BCAS3: variants seen among roughly 807,000 people sequenced by gnomAD.
BCAS3 encodes the protein BCAS4/BCAS3 fusion.
In BCAS3, 53 loss-of-function variants were observed where a neutral mutation model predicts 116.1. That is an observed-to-expected ratio of 0.46 (90% CI 0.37 to 0.57). The LOEUF is 0.57. Among genes scored for constraint, BCAS3 ranks in the 20% least tolerant of loss-of-function variants. The pLI, the probability that BCAS3 is intolerant of heterozygous loss-of-function variation, is 0.00. For synonymous variants in BCAS3, 391 were observed against 408.2 expected, an observed-to-expected ratio of 0.96 and a Z score of 0.51; for missense variants, 917 against 1,165.4, an observed-to-expected ratio of 0.79 and a Z score of 3.10.
At chr17:61,146,106 G>GTTT (rs1293114440) in intron 22 of BCAS3, among the ~76,000 whole-genome samples, 2 of 29,934 alleles carry the variant, frequency 6.7e-5, no homozygotes, top group African/African-American at 1.2e-4. Flanking sequence ...TTACTTACTG[G>GTTT]TTTTTTGTTT....
In BCAS3 at chr17:61,392,214, C is replaced by T. The variant is rs1231497967; in HGVS notation, c.*89C>T. On this transcript the variant is annotated 3_prime_UTR_variant, in exon 24 of 24. Transcript: ENST00000407086. This position sits in a 1 kb window ranked among gnomAD's most constrained non-coding sequence, Gnocchi z 6.4. ...CTCTGGTCCTACCCTTCAGTCTCTG[C>T]TCTTCCTTCATCAACCACCTTCCCC... is the stretch of plus-strand genomic sequence containing the variant. The T allele has an allele frequency of 6.9e-7, 1 of 1,446,956 alleles. No homozygotes were observed. The highest frequency in any genetic ancestry group is 2.2e-5 in the Admixed American group (1 of 46,124). 89.6% of individuals were successfully genotyped at this position (1,446,956 alleles called of 1,614,324 possible). A position where few individuals can be genotyped will look rare whatever the true frequency, so the allele number is the denominator to read the frequency against.
chr17:61,315,373 C>T lies in BCAS3; in HGVS notation c.2426-52954C>T, dbSNP rs1406951811. Among the ~76,000 whole-genome samples the T allele has an allele frequency of 6.6e-6, 1 of 152,174 alleles. No homozygotes were observed. The highest frequency in any genetic ancestry group is 1.9e-4 in the East Asian group (1 of 5,186). ...ACCTCAGGTGATCCGGCCGCCTCAG[C>T]CTCCCAAAGTGCTGGGATTACAGGT... is the stretch of plus-strand genomic sequence containing the variant. On this transcript the variant is annotated intron_variant, in intron 22 of 23. Coordinates refer to ENST00000407086, the MANE Select transcript of BCAS3 (RefSeq NM_017679.5). This position sits in a 1 kb window ranked among gnomAD's most constrained non-coding sequence, Gnocchi z 5.3.
At position 61,013,236 on chromosome 17, in the gene BCAS3, C is replaced by T. The variant is rs900562375; in HGVS notation, c.1487-2515C>T. 2.0e-5 allele frequency among the ~76,000 whole-genome samples: 3 copies of T among 152,052 alleles called. No homozygotes were observed. The highest frequency in any genetic ancestry group is 7.2e-5 in the African/African-American group (3 of 41,420). On this transcript the variant is annotated intron_variant, in intron 15 of 23. Coordinates refer to ENST00000407086, the MANE Select transcript of BCAS3 (RefSeq NM_017679.5). This position sits in a 1 kb window ranked among gnomAD's most constrained non-coding sequence, Gnocchi z 4.4. ...CTGTTTGTGCCTGTTAGACTGTAAG[C>T]TTCATGATAACAAGGAAAACAGTCC...
Position 60,854,502 on chromosome 17 carries a change from G to GA in BCAS3, c.477-14067dup, listed in dbSNP as rs535630462. Among the ~76,000 whole-genome samples, 547 of 152,058 alleles carry GA rather than the reference G, an allele frequency of 3.6e-3. 1 individual carries two copies. The highest frequency in any genetic ancestry group is 5.5e-3 in the Non-Finnish European group (375 of 67,970). On this transcript the variant is annotated intron_variant, in intron 7 of 23. Transcript: ENST00000407086. ...GTCTTCCACAGTGGTTGAACTACAA[G>GA]AAAAAAACAACCCCATCAAAAAGTG...
chr17:61,152,721 A>G (rs2077608693), intron 22 of BCAS3, among the ~76,000 whole-genome samples: 1 of 152,046 alleles, frequency 6.6e-6, no homozygotes, highest in Admixed American at 6.6e-5. Flanking sequence ...AACTTCTAAA[A>G]AAAAAAATAC....
At chr17:60,773,111 T>C (rs2044895010) in intron 6 of BCAS3, among the ~76,000 whole-genome samples, 1 of 152,312 alleles carries the variant, frequency 6.6e-6, no homozygotes, top group Non-Finnish European at 1.5e-5. Flanking sequence ...GCTTGCATCT[T>C]TGCCACCATT....
At chr17:60,954,883 A>G (rs1346348376) in intron 14 of BCAS3, among the ~76,000 whole-genome samples, 2 of 152,172 alleles carry the variant, frequency 1.3e-5, no homozygotes, top group Admixed American at 1.3e-4. Flanking sequence ...TGATTTTTCT[A>G]TTAAGATTTC....
chr17:60,902,254 G>A (rs967825636), intron 10 of BCAS3, among the ~76,000 whole-genome samples: 3 of 152,134 alleles, frequency 2.0e-5, no homozygotes, highest in African/African-American at 4.8e-5. Context: ...TAATTTGTTA[G>A]CATGTCAGAT....
intron 22 of BCAS3, among the ~76,000 whole-genome samples, chr17:61,330,803 A>T (rs2056210744): frequency 6.6e-6 from 1 of 152,234 alleles, no homozygotes; most frequent in African/African-American, 2.4e-5. Context: ...CCATAGCATG[A>T]CTGGGAACAA....
chr17:61,204,457 T>C lies in BCAS3; in HGVS notation c.2425+119893T>C, dbSNP rs2081015342. Among the ~76,000 whole-genome samples, 1 of 152,224 alleles carries C rather than the reference T, an allele frequency of 6.6e-6. No homozygotes were observed. On this transcript the variant is annotated intron_variant, in intron 22 of 23. Coordinates refer to ENST00000407086, the MANE Select transcript of BCAS3 (RefSeq NM_017679.5). The surrounding 1 kb of genome is among the most constrained non-coding windows in gnomAD (Gnocchi z 4.2). ...TCCCACATTCATATTTGACTGCGCATTATGTGAAAAATTGAATTTGGGAAA... is the reference window on the plus strand; with the variant it reads ...TCCCACATTCATATTTGACTGCGCACTATGTGAAAAATTGAATTTGGGAAA...
chr17:60,977,069 CCCTGCACCTCCCGGACGGGGTGGCTGG>C (rs2145377773), intron 14 of BCAS3, among the ~76,000 whole-genome samples: 1 of 152,058 alleles, frequency 6.6e-6, no homozygotes, highest in East Asian at 1.9e-4. Context: ...GCGGGGGCTG[CCCTGCACCTCCCGGACGGGGTGGCTGG>C]CCGGGCGGGG....
chr17:60,813,741 G>GT (rs1246046091), intron 7 of BCAS3, among the ~76,000 whole-genome samples: 1 of 152,122 alleles, frequency 6.6e-6, no homozygotes, highest in Non-Finnish European at 1.5e-5. Flanking sequence ...GTCCAGAATG[G>GT]TATTTCCTAG....
intron 22 of BCAS3, among the ~76,000 whole-genome samples, chr17:61,190,980 A>T (rs2080078259): frequency 6.6e-6 from 1 of 152,160 alleles, no homozygotes; most frequent in Admixed American, 6.5e-5. Flanking sequence ...CTGAGGCAGG[A>T]TGATTGCTTG....
intron 22 of BCAS3, among the ~76,000 whole-genome samples, chr17:61,312,720 G>A (rs2054412143): frequency 2.0e-5 from 3 of 152,148 alleles, no homozygotes; most frequent in Admixed American, 6.5e-5. Flanking sequence ...GACCCTAAAG[G>A]CCAGGAAGCC....
At chr17:60,824,529 T>A (rs2050215478) in intron 7 of BCAS3, among the ~76,000 whole-genome samples, 1 of 152,170 alleles carries the variant, frequency 6.6e-6, no homozygotes, top group African/African-American at 2.4e-5. Flanking sequence ...CTTAAGCCTG[T>A]TTTCAGCATT....
At chr17:60,786,812 A>G (rs1299616378) in intron 6 of BCAS3, among the ~76,000 whole-genome samples, 1 of 152,152 alleles carries the variant, frequency 6.6e-6, no homozygotes, top group Non-Finnish European at 1.5e-5. Flanking sequence ...ACCAGACTAC[A>G]AATGGTAAAA....
rs1179733439 is a variant in BCAS3 at position 61,203,880 on chromosome 17, CAGAGCTCTGA to C, written c.2425+119319_2425+119328del. 6.6e-6 allele frequency among the ~76,000 whole-genome samples: 1 copy of C among 152,136 alleles called. No individual in the cohort carries two copies. The highest frequency in any genetic ancestry group is 6.5e-5 in the Admixed American group (1 of 15,282). ...CAGAGCTAATTAACTGCATTGCTAT[CAGAGCTCTGA>C]AGTGACAGAGGCAAAGGGCAGAGAA... On this transcript the variant is annotated intron_variant, in intron 22 of 23. Coordinates refer to ENST00000407086, the MANE Select transcript of BCAS3 (RefSeq NM_017679.5). The surrounding 1 kb of genome is among the most constrained non-coding windows in gnomAD (Gnocchi z 5.7).
chr17:61,103,283 T>G (rs1370356681), intron 22 of BCAS3, among the ~76,000 whole-genome samples: 3 of 152,150 alleles, frequency 2.0e-5, no homozygotes, highest in African/African-American at 7.2e-5. Flanking sequence ...TCTGTGATCC[T>G]CTGTCATTTG....
intron 22 of BCAS3, among the ~76,000 whole-genome samples, chr17:61,108,518 A>G (rs1328191101): frequency 1.4e-5 from 2 of 147,960 alleles, no homozygotes; most frequent in East Asian, 2.0e-4. Flanking sequence ...TTGTTTGTTT[A>G]GGCTCGATTT....
Sources: allele counts gnomAD v4.1 joint callset (sites outside exome capture counted in the v4.1 genomes callset), GRCh38; gene constraint gnomAD v4.1.1; non-coding constraint Gnocchi (gnomAD v3.1); transcripts MANE v1.5; gene names NCBI Gene and HGNC (gene_info 2026-07-23, HGNC 2026-07-21).